The following DIPK1A variants were observed in gnomAD, a reference collection of about 807,000 sequenced individuals.
The protein encoded by DIPK1A is family with sequence similarity 69 member A.
Under a neutral mutation model 40.8 loss-of-function variants are expected in DIPK1A, and 27 were observed. The observed-to-expected ratio is 0.66, with a 90% CI of 0.49 to 0.91. DIPK1A has a LOEUF of 0.91. DIPK1A is among the 40% of genes least tolerant of loss of function. The pLI is 0.00. For missense variants in DIPK1A, 412 were observed against 505.7 expected (o/e 0.81, Z 1.78); for synonymous variants, 166 against 171.3 (o/e 0.97, Z 0.24).
chr1:92,945,532 G>A (rs565294480), intron 1 of DIPK1A, among the ~76,000 whole-genome samples: 2 of 152,206 alleles, frequency 1.3e-5, no homozygotes, highest in Admixed American at 6.5e-5. Flanking sequence ...CATATTTTAG[G>A]GGGTACTAAA....
intron 1 of DIPK1A, among the ~76,000 whole-genome samples, chr1:92,906,437 T>C (rs2100829712): frequency 6.6e-6 from 1 of 152,314 alleles, no homozygotes; most frequent in East Asian, 1.9e-4. Flanking sequence ...ATTTGTCAAC[T>C]TATCATCCAA....
intron 4 of DIPK1A, among the ~76,000 whole-genome samples, chr1:92,846,878 TATATACACACACAC>T (rs1687650946): frequency 4.4e-5 from 1 of 22,558 alleles, no homozygotes; most frequent in African/African-American, 2.5e-4. Flanking sequence ...TATATATATA[TATATACACACACAC>T]GTATATATAT....
At chr1:92,890,610 A>G (rs1173113646) in intron 1 of DIPK1A, among the ~76,000 whole-genome samples, 1 of 152,194 alleles carries the variant, frequency 6.6e-6, no homozygotes, top group Admixed American at 6.6e-5. Context: ...AATGTGATGT[A>G]TCATATTTAC....
At chr1:92,841,836 A>G, downstream of DIPK1A, 1 of 1,611,920 alleles carries the variant, frequency 6.2e-7, no homozygotes, top group Non-Finnish European at 8.5e-7. Flanking sequence ...AAGCTTCCTC[A>G]GAGCTCAGGA....
intron 1 of DIPK1A, among the ~76,000 whole-genome samples, chr1:92,957,829 T>C (rs181854713): frequency 2.0e-5 from 3 of 152,362 alleles, no homozygotes; most frequent in Non-Finnish European, 2.9e-5. Flanking sequence ...CCATCACCAC[T>C]ATCAATTTTA....
At chr1:92,849,931 C>T (rs536236766) in intron 3 of DIPK1A, among the ~76,000 whole-genome samples, 55 of 152,196 alleles carry the variant, frequency 3.6e-4, no homozygotes, top group African/African-American at 9.6e-4. Flanking sequence ...GCTGGGATTA[C>T]AGGCCCGTGC....
intron 1 of DIPK1A, among the ~76,000 whole-genome samples, chr1:92,908,157 T>G (rs980901356): frequency 6.6e-6 from 1 of 152,200 alleles, no homozygotes; most frequent in Non-Finnish European, 1.5e-5. Flanking sequence ...CAAGTGATAT[T>G]TAGCAGGCAG....
At chr1:92,840,423 T>C, downstream of DIPK1A, 1 of 744,300 alleles carries the variant, frequency 1.3e-6, no homozygotes, top group South Asian at 1.5e-5. Context: ...TTAAAGTGTT[T>C]ACCAACATTG....
chr1:92,923,631 CT>C (rs1051512587), intron 1 of DIPK1A, among the ~76,000 whole-genome samples: 1 of 152,186 alleles, frequency 6.6e-6, no homozygotes, highest in African/African-American at 2.4e-5. Flanking sequence ...TATGTGATCT[CT>C]CATTTGAGGA....
chr1:92,903,858 G>A (rs1368610271), intron 1 of DIPK1A, among the ~76,000 whole-genome samples: 1 of 152,160 alleles, frequency 6.6e-6, no homozygotes. Flanking sequence ...GAGAAAGGTT[G>A]TTACTGTAGC....
chr1:92,899,944 C>T (rs1649339135), intron 1 of DIPK1A, among the ~76,000 whole-genome samples: 1 of 151,842 alleles, frequency 6.6e-6, no homozygotes, highest in Non-Finnish European at 1.5e-5. Context: ...TCTTTCAGCA[C>T]ATCCCATTCT....
chr1:92,834,598 G>A (rs1023462029), intron 4 of DIPK1A, among the ~76,000 whole-genome samples: 7 of 152,158 alleles, frequency 4.6e-5, no homozygotes, highest in Non-Finnish European at 1.0e-4. Flanking sequence ...AAATATTTGG[G>A]TATTCCTCTT....
chr1:92,846,635 C>CTT (rs71094209), intron 4 of DIPK1A: 1,097 of 339,204 alleles, frequency 3.2e-3, no homozygotes, highest in Middle Eastern at 4.4e-3. Flanking sequence ...TTTTCTTTTT[C>CTT]TTTTTTTTTT....
At chr1:92,952,607 C>G (rs1456832668) in intron 1 of DIPK1A, among the ~76,000 whole-genome samples, 1 of 152,032 alleles carries the variant, frequency 6.6e-6, no homozygotes, top group African/African-American at 2.4e-5. Flanking sequence ...GCCTGGGTAA[C>G]AAAGCAAGAC....
intron 2 of DIPK1A, among the ~76,000 whole-genome samples, chr1:92,860,646 A>AAAAAACAAATAGCCAGGTG (rs148916481): frequency 9.5e-6 from 1 of 105,212 alleles, no homozygotes; most frequent in Non-Finnish European, 1.8e-5. Context: ...AAAAAAAAAA[A>AAAAAACAAATAGCCAGGTG]TGGTGGTGTG....
intron 1 of DIPK1A, among the ~76,000 whole-genome samples, chr1:92,958,098 A>C (rs1298770716): frequency 6.6e-6 from 1 of 152,226 alleles, no homozygotes; most frequent in Admixed American, 6.5e-5. Context: ...CATATACCAC[A>C]CAAGTTCTTT....
At chr1:92,957,245 G>GT (rs1327591417) in intron 1 of DIPK1A, among the ~76,000 whole-genome samples, 2 of 152,156 alleles carry the variant, frequency 1.3e-5, no homozygotes, top group Non-Finnish European at 2.9e-5. Flanking sequence ...GTCATTCTGG[G>GT]TTATCACACC....
In DIPK1A at chr1:92,843,293, G is replaced by A; in HGVS notation, c.*90C>T. 6.9e-7 allele frequency: 1 copy of A among 1,454,888 alleles called. No individual in the cohort carries two copies. Among genetic ancestry groups the A allele is most frequent in the Non-Finnish European group, 9.0e-7 (1 of 1,105,332 alleles). 90.1% of individuals were successfully genotyped at this position (1,454,888 alleles called of 1,614,324 possible). On this transcript the variant is annotated 3_prime_UTR_variant, in exon 5 of 5. Coordinates refer to ENST00000370310, the MANE Select transcript of DIPK1A (RefSeq NM_001006605.5). ...TGGGGGGAAGGAGTTTTGTGTAACT[G>A]GCCGGAATTTGAAGCCATTTTTTTT... is the stretch of plus-strand genomic sequence containing the variant.
downstream of DIPK1A, chr1:92,841,950 T>G: frequency 1.7e-6 from 2 of 1,148,094 alleles, no homozygotes; most frequent in South Asian, 2.8e-5. Flanking sequence ...CTTATTCTTA[T>G]GAACCTTATA....
Sources: allele counts gnomAD v4.1 joint callset (sites outside exome capture counted in the v4.1 genomes callset), GRCh38; gene constraint gnomAD v4.1.1; transcripts MANE v1.5; gene names NCBI Gene and HGNC (gene_info 2026-07-23, HGNC 2026-07-21).